The following VCAM1 variants were observed in gnomAD, a reference collection of about 807,000 sequenced individuals.
VCAM1 encodes the protein vascular cell adhesion protein 1.
In VCAM1, 41 loss-of-function variants were observed where a neutral mutation model predicts 63.8. That is an observed-to-expected ratio of 0.64 (90% CI 0.50 to 0.83). The LOEUF (loss-of-function observed/expected upper bound fraction) is 0.83, where lower values mean the gene tolerates loss of function less well. Ranked by LOEUF, VCAM1 falls within the 40% of genes least tolerant of loss-of-function variation. The probability of loss-of-function intolerance (pLI) is 0.00; values close to 1 mark genes in which losing one functional copy is unlikely to be tolerated. For missense variants in VCAM1, 798 were observed against 875.5 expected (o/e 0.91, Z 1.12); for synonymous variants, 338 against 320.7 (o/e 1.05, Z -0.58).
Position 100,732,554 on chromosome 1 carries a change from G to C in VCAM1, c.1662G>C (p.Glu554Asp), listed in dbSNP as rs1179401380. 1 of 1,613,180 alleles carries C rather than the reference G, an allele frequency of 6.2e-7. No homozygotes were observed. Among genetic ancestry groups the C allele is most frequent in the African/African-American group, 1.3e-5 (1 of 74,870 alleles). Residue 554 changes from glutamate (E) to aspartate (D), a missense_variant, in exon 7 of 9, where the codon GAG becomes GAC. By Grantham distance (45) the Glu-to-Asp change is conservative. Transcript: ENST00000294728. Reference protein sequence around the residue: ...ILWSRQLPNGELQPLSENATL... With the variant: ...ILWSRQLPNGDLQPLSENATL... The stretch of plus-strand genomic sequence containing the variant: ...GGAGCAGGCAGCTCCCTAACGGGGA[G>C]CTACAGCCTCTTTCTGAGAATGCAA...
chr1:100,726,258 A>C (rs1483769325), intron 4 of VCAM1, among the ~76,000 whole-genome samples: 2 of 152,004 alleles, frequency 1.3e-5, no homozygotes, highest in Non-Finnish European at 2.9e-5. Context: ...AGGCTGAATA[A>C]TATTTCACAT....
chr1:100,734,972 T>C (rs943717099), intron 8 of VCAM1, among the ~76,000 whole-genome samples: 1 of 152,324 alleles, frequency 6.6e-6, no homozygotes, highest in East Asian at 1.9e-4. Context: ...ACTGAGGAAT[T>C]CCTGCTTGCT....
intron 2 of VCAM1, among the ~76,000 whole-genome samples, chr1:100,721,539 A>G (rs1659953389): frequency 6.6e-6 from 1 of 152,096 alleles, no homozygotes; most frequent in Admixed American, 6.6e-5. Context: ...CTCTCTTTCT[A>G]AAAAACTGAA....
intron 8 of VCAM1, chr1:100,736,299 TTAAAC>T (rs1223447673): frequency 1.3e-5 from 2 of 152,218 alleles, no homozygotes; most frequent in African/African-American, 4.8e-5. Flanking sequence ...TGAATATAGT[TTAAAC>T]TAGCTAAATT....
At chr1:100,737,782 C>T (rs966839815) in intron 8 of VCAM1, 6 of 169,532 alleles carry the variant, frequency 3.5e-5, no homozygotes, top group African/African-American at 1.2e-4. Context: ...AAGCAAGTGC[C>T]TCTCTCCAAT....
Position 100,724,837 on chromosome 1 carries a change from A to T in VCAM1, c.875A>T (p.Glu292Val). 1 of 1,612,936 alleles carries T rather than the reference A, an allele frequency of 6.2e-7. No individual in the cohort carries two copies. The highest frequency in any genetic ancestry group is 1.3e-5 in the African/African-American group (1 of 74,960). ...GAAGATTCTGGAATTTATGTGTGTG[A>T]AGGAGTTAATTTGATTGGGAAAAAC... is the stretch of plus-strand genomic sequence containing the variant. ...RMEDSGIYVC[E>V]GVNLIGKNRK... Residue 292 changes from glutamate to valine, a missense_variant, in exon 4 of 9, where the codon GAA becomes GTA. Physicochemically the swap from Glu to Val is moderately radical, Grantham distance 121. Transcript: ENST00000294728.
chr1:100,737,440 G>T (rs1660696408), intron 8 of VCAM1: 1 of 152,108 alleles, frequency 6.6e-6, no homozygotes, highest in Non-Finnish European at 1.5e-5. Flanking sequence ...TTAGAATGAG[G>T]GAGATATAGA....
At chr1:100,733,046 G>A (rs1384040344) in intron 7 of VCAM1, among the ~76,000 whole-genome samples, 4 of 152,194 alleles carry the variant, frequency 2.6e-5, no homozygotes, top group Non-Finnish European at 5.9e-5. Flanking sequence ...TGGCTGAATT[G>A]AACTCTGAGT....
At position 100,729,087 on chromosome 1, in the gene VCAM1, G is replaced by GT. The variant is rs755234827; in HGVS notation, c.929-16dup. On this transcript the variant is annotated intron_variant, in intron 4 of 8. Transcript: ENST00000294728. ...AAGAATCTTATGTTCTTTTCATCTT[G>GT]TTTTCCACCTGTGTCCCAGAGAAAC... 1.5e-5 allele frequency: 23 copies of GT among 1,496,978 alleles called. No individual in the cohort carries two copies. The highest frequency in any genetic ancestry group is 2.0e-5 in the Non-Finnish European group (22 of 1,122,118). The allele number at this position is 1,496,978 out of a possible 1,614,324, so 92.7% of individuals were successfully genotyped here. A position where few individuals can be genotyped will look rare whatever the true frequency, so the allele number is the denominator to read the frequency against.
chr1:100,724,051 T>C (rs1311318360), intron 3 of VCAM1, among the ~76,000 whole-genome samples: 1 of 152,032 alleles, frequency 6.6e-6, no homozygotes, highest in African/African-American at 2.4e-5. Flanking sequence ...ATAGTCAAGA[T>C]AGAGGATATT....
rs1221834515 is a variant in VCAM1 at position 100,738,383 on chromosome 1, T to C, written c.*100T>C. On this transcript the variant is annotated 3_prime_UTR_variant, in exon 9 of 9. Transcript: ENST00000294728. The stretch of plus-strand genomic sequence containing the variant: ...AAAAACAATGAGCTGAGAGGCAGAC[T>C]TCCCTGAATGTATTGAACTTGGAAA... The C allele has an allele frequency of 6.8e-6, 9 of 1,331,098 alleles. No individual in the cohort carries two copies. The highest frequency in any genetic ancestry group is 5.9e-5 in the African/African-American group (4 of 68,212). The allele number at this position is 1,331,098 out of a possible 1,614,324, so 82.5% of individuals were successfully genotyped here.
chr1:100,734,424 T>G, intron 7 of VCAM1, 78 bp from the exon 8 acceptor site: 1 of 1,475,634 alleles, frequency 6.8e-7, no homozygotes, highest in Non-Finnish European at 9.1e-7. Context: ...AGGGAAGCTA[T>G]TGTTGATGTC....
In VCAM1 at chr1:100,723,226, A is replaced by T; in HGVS notation, c.547A>T (p.Thr183Ser). 1 of 1,613,020 alleles carries T rather than the reference A, an allele frequency of 6.2e-7. No individual in the cohort carries two copies. The highest frequency in any genetic ancestry group is 8.5e-7 in the Non-Finnish European group (1 of 1,179,386). ...AACCAAGAGTTTGGAAGTAACCTTT[A>T]CTCCTGTCATTGAGGATATTGGAAA... is the stretch of plus-strand genomic sequence containing the variant. ...LETKSLEVTF[T>S]PVIEDIGKVL... The change falls in exon 3 of 9, where the codon ACT becomes TCT. Residue 183 changes from threonine (T) to serine (S), a missense_variant. Physicochemically the swap from Thr to Ser is moderately conservative, Grantham distance 58. Coordinates refer to ENST00000294728, the MANE Select transcript of VCAM1 (RefSeq NM_001078.4).
Position 100,738,334 on chromosome 1 carries a change from T to C in VCAM1, c.*51T>C. 6.4e-7 allele frequency: 1 copy of C among 1,557,850 alleles called. No homozygotes were observed. The highest frequency in any genetic ancestry group is 8.7e-7 in the Non-Finnish European group (1 of 1,144,968). ...GACACTATTTATCTGTGCAAATCCT[T>C]GATACTGCTCATCATTCCTTGAGAA... is the stretch of plus-strand genomic sequence containing the variant. On this transcript the variant is annotated 3_prime_UTR_variant, in exon 9 of 9. Transcript: ENST00000294728.
In VCAM1 at chr1:100,734,602, A is replaced by G. The variant is rs577369418; in HGVS notation, c.1893A>G (p.Thr631=). Reference sequence around the variant, plus strand: ...GTACATGTGGAAATGTTCCAGAAACATGGATAATCCTGAAGAAAAAAGCGG... The same window carrying G: ...GTACATGTGGAAATGTTCCAGAAACGTGGATAATCCTGAAGAAAAAAGCGG... The part of the protein sequence containing the change: ...ISCTCGNVPE[T]WIILKKKAET... Residue 631 remains threonine (T), a synonymous_variant, in exon 8 of 9, where the codon ACA becomes ACG. Coordinates refer to ENST00000294728, the MANE Select transcript of VCAM1 (RefSeq NM_001078.4). The G allele has an allele frequency of 5.6e-6, 9 of 1,613,962 alleles. No individual in the cohort carries two copies. The South Asian group carries it at 9.9e-5, about 18-fold the overall frequency.
chr1:100,719,951 A>C (rs533068429), intron 1 of VCAM1, 27 bp downstream of exon 1: 3 of 1,602,608 alleles, frequency 1.9e-6, no homozygotes, highest in African/African-American at 1.3e-5. Flanking sequence ...CATCTGTTTC[A>C]AATGTTAGCA....
In VCAM1 at chr1:100,733,320, GT is replaced by G. The variant is rs556199480; in HGVS notation, c.1792+637del. 1.5e-3 allele frequency among the ~76,000 whole-genome samples: 235 copies of G among 152,296 alleles called. 1 individual carries two copies. The highest frequency in any genetic ancestry group is 3.4e-3 in the Admixed American group (52 of 15,294). On this transcript the variant is annotated intron_variant, in intron 7 of 8. Coordinates refer to ENST00000294728, the MANE Select transcript of VCAM1 (RefSeq NM_001078.4). ...TGAGCAAAATCATCAGGTGATCAAT[GT>G]GGATTTCCTCTATCCCATCCCTTTT... is the stretch of plus-strand genomic sequence containing the variant.
At chr1:100,733,998 A>G (rs1660557320) in intron 7 of VCAM1, among the ~76,000 whole-genome samples, 1 of 152,234 alleles carries the variant, frequency 6.6e-6, no homozygotes, top group Non-Finnish European at 1.5e-5. Context: ...CAAAATGTGC[A>G]ATCATGGCAG....
chr1:100,731,412 C>T lies in VCAM1; in HGVS notation c.1419C>T (p.Thr473=). 1 of 1,613,780 alleles carries T rather than the reference C, an allele frequency of 6.2e-7. No individual in the cohort carries two copies. The highest frequency in any genetic ancestry group is 8.5e-7 in the Non-Finnish European group (1 of 1,179,840). ...NKSLEMTFIP[T]IEDTGKALVC... ...GTTTGGAAATGACCTTCATCCCTACCATTGAAGATACTGGAAAAGCTCTTG... is the reference window on the plus strand; with the variant it reads ...GTTTGGAAATGACCTTCATCCCTACTATTGAAGATACTGGAAAAGCTCTTG... Residue 473 remains threonine, a synonymous_variant, in exon 6 of 9, where the codon ACC becomes ACT. Coordinates refer to ENST00000294728, the MANE Select transcript of VCAM1 (RefSeq NM_001078.4). The surrounding 1 kb of genome is among the most constrained non-coding windows in gnomAD (Gnocchi z 4.2).
Sources: allele counts gnomAD v4.1 joint callset (sites outside exome capture counted in the v4.1 genomes callset), GRCh38; gene constraint gnomAD v4.1.1; non-coding constraint Gnocchi (gnomAD v3.1); transcripts MANE v1.5; gene names NCBI Gene and HGNC (gene_info 2026-07-23, HGNC 2026-07-21).